TF: variants seen among roughly 807,000 people sequenced by gnomAD.
TF encodes the protein serotransferrin.
TF carries 55 observed loss-of-function variants against 82.4 expected under a neutral mutation model. The ratio of observed to expected loss-of-function variants is 0.67; its 90% CI spans 0.54 to 0.84. The LOEUF is 0.84. Ranked by LOEUF, TF falls within the 40% of genes least tolerant of loss-of-function variation. The probability of loss-of-function intolerance (pLI) is 0.00; values close to 1 mark genes in which losing one functional copy is unlikely to be tolerated. For missense variants in TF, 737 were observed against 868.4 expected (o/e 0.85, Z 1.90); for synonymous variants, 332 against 332.6 (o/e 1.00, Z 0.02).
In TF at chr3:133,778,917, T is replaced by G. The variant is rs1934460143; in HGVS notation, c.*297T>G. ...CGTCTGGTCTTTCCCTACAGCTTTG[T>G]GTGTGCCATGGCCACATCTCCTGGG... On this transcript the variant is annotated 3_prime_UTR_variant, in exon 17 of 17. Transcript: ENST00000402696. The G allele has an allele frequency of 2.7e-6, 1 of 366,456 alleles. No individual in the cohort carries two copies. The highest frequency in any genetic ancestry group is 5.2e-6 in the Non-Finnish European group (1 of 191,522). 22.7% of individuals were successfully genotyped at this position (366,456 alleles called of 1,614,324 possible).
chr3:133,714,611 G>A, the TF span, among the ~76,000 whole-genome samples: 1 of 152,122 alleles, frequency 6.6e-6, no homozygotes, highest in Non-Finnish European at 1.5e-5. Flanking sequence ...CACATAAAAA[G>A]CAGTCTTAGC....
At position 133,748,611 on chromosome 3, in the gene TF, T is replaced by A. The variant is rs1360544083; in HGVS notation, c.216+27T>A. ...TAAGTCGCTGCTGCCTAAAAGAGAG[T>A]GGAAGAAAGCCATACTTTCTCTGTT... is the stretch of plus-strand genomic sequence containing the variant. On this transcript the variant is annotated intron_variant, in intron 2 of 16. Coordinates refer to ENST00000402696, the MANE Select transcript of TF (RefSeq NM_001063.4). 2.5e-6 allele frequency: 4 copies of A among 1,612,996 alleles called. No homozygotes were observed. In the South Asian group the frequency reaches 4.4e-5, roughly 18 times the overall value.
chr3:133,725,498 A>G, the TF span, among the ~76,000 whole-genome samples: 4 of 152,340 alleles, frequency 2.6e-5, no homozygotes, highest in Admixed American at 2.0e-4. Context: ...ATTTTTGTAC[A>G]TTGATTTTAC....
At chr3:133,724,960 A>G in the TF span, among the ~76,000 whole-genome samples, 19 of 152,056 alleles carry the variant, frequency 1.2e-4, no homozygotes, top group African/African-American at 3.9e-4. Flanking sequence ...AAGATCAGAT[A>G]GTTGTAGATA....
In TF at chr3:133,764,327, A is replaced by G. The variant is rs573943973; in HGVS notation, c.1297+52A>G. The G allele has an allele frequency of 3.5e-6, 5 of 1,448,350 alleles. No individual in the cohort carries two copies. In the African/African-American group the frequency reaches 4.2e-5, roughly 12 times the overall value. The allele number at this position is 1,448,350 out of a possible 1,614,324, so 89.7% of individuals were successfully genotyped here. On this transcript the variant is annotated intron_variant, in intron 10 of 16. Coordinates refer to ENST00000402696, the MANE Select transcript of TF (RefSeq NM_001063.4). ...GTTTTCTTCCCTCAGGGCCATGGAG[A>G]GAGGAGATGGAAAAATCACAGTCTG...
the TF span, among the ~76,000 whole-genome samples, chr3:133,663,772 G>T: frequency 6.6e-6 from 1 of 152,142 alleles, no homozygotes; most frequent in Non-Finnish European, 1.5e-5. Flanking sequence ...TCCACACCGG[G>T]GAGGGAGCCC....
chr3:133,695,069 C>G, the TF span, among the ~76,000 whole-genome samples: 1 of 151,918 alleles, frequency 6.6e-6, no homozygotes, highest in Non-Finnish European at 1.5e-5. Flanking sequence ...AAGCCGTCAC[C>G]TCTGTGAGGA....
chr3:133,685,143 A>G, the TF span, among the ~76,000 whole-genome samples: 1 of 152,234 alleles, frequency 6.6e-6, no homozygotes, highest in East Asian at 1.9e-4. Flanking sequence ...GCCTTTGACA[A>G]AATTCAACAG....
chr3:133,675,973 G>A, the TF span, among the ~76,000 whole-genome samples: 1 of 152,106 alleles, frequency 6.6e-6, no homozygotes, highest in African/African-American at 2.4e-5. Context: ...TGGGGTTAGA[G>A]GAGAGAAGGG....
At chr3:133,739,099 C>T in the TF span, among the ~76,000 whole-genome samples, 1 of 152,158 alleles carries the variant, frequency 6.6e-6, no homozygotes, top group Non-Finnish European at 1.5e-5. Context: ...CAGCAGGGCA[C>T]TGGTACCAAA....
chr3:133,675,679 T>C, the TF span, among the ~76,000 whole-genome samples: 2 of 152,252 alleles, frequency 1.3e-5, no homozygotes, highest in Non-Finnish European at 2.9e-5. Flanking sequence ...TAACTACACC[T>C]GGTCTCAGTT....
rs758337684 is a variant in TF at position 133,755,411 on chromosome 3, C to T, written c.551C>T (p.Thr184Met). 23 of 1,614,104 alleles carry T rather than the reference C, an allele frequency of 1.4e-5. No individual in the cohort carries two copies. Among genetic ancestry groups the T allele is most frequent in the Middle Eastern group, 1.6e-4 (1 of 6,084 alleles). The change falls in exon 5 of 17, where the codon ACG becomes ATG. Residue 184 changes from threonine (T) to methionine (M), a missense_variant. Transcript: ENST00000402696. ...SGSCAPCADG[T>M]DFPQLCQLCP... ...AGCTGTGCCCCTTGTGCGGATGGGA[C>T]GGACTTCCCCCAGCTGTGTCAACTG...
At chr3:133,675,493 G>A in the TF span, among the ~76,000 whole-genome samples, 1 of 152,196 alleles carries the variant, frequency 6.6e-6, no homozygotes, top group African/African-American at 2.4e-5. Context: ...AGACTGGGTG[G>A]TCTTCTATAT....
the TF span, among the ~76,000 whole-genome samples, chr3:133,685,238 G>A: frequency 0.013 from 1,988 of 152,302 alleles, 19 homozygotes; most frequent in Non-Finnish European, 0.021. Flanking sequence ...CAAACCCACA[G>A]CCAATATCAT....
chr3:133,757,941 G>A lies in TF; in HGVS notation c.1043G>A (p.Gly348Asp), dbSNP rs1463178703. The A allele has an allele frequency of 1.2e-6, 2 of 1,614,128 alleles. No homozygotes were observed. Among genetic ancestry groups the A allele is most frequent in the South Asian group, 1.1e-5 (1 of 91,080 alleles). ...ACTGCCATCCGGAATCTACGGGAAG[G>A]CACATGTGAGTACCTGGGAAGAACC... is the stretch of plus-strand genomic sequence containing the variant. ...YVTAIRNLRE[G>D]TCPEAPTDEC... The change falls in exon 8 of 17, where the codon GGC (glycine) becomes GAC (aspartate). Residue 348 changes from glycine (G) to aspartate (D), a missense_variant. Gly to Asp is a moderately conservative substitution (Grantham distance 94, BLOSUM62 -1). Coordinates refer to ENST00000402696, the MANE Select transcript of TF (RefSeq NM_001063.4).
chr3:133,770,420 G>A, intron 13 of TF, 88 bp from the exon 14 acceptor site: 1 of 1,218,490 alleles, frequency 8.2e-7, no homozygotes, highest in Non-Finnish European at 1.2e-6. Context: ...TCAGATGGCT[G>A]TCCTGAATCT....
In TF at chr3:133,756,726, C is replaced by T. The variant is rs528142134; in HGVS notation, c.692-105C>T. The T allele has an allele frequency of 3.5e-6, 5 of 1,447,914 alleles. No individual in the cohort carries two copies. In the South Asian group the frequency reaches 4.6e-5, roughly 13 times the overall value. 89.7% of individuals were successfully genotyped at this position (1,447,914 alleles called of 1,614,324 possible). ...TGTTCTCTGGCCTTCAGTGCTCACT[C>T]CAGACCTCTCAGCTCATACTTTCTA... On this transcript the variant is annotated intron_variant, in intron 6 of 16. Transcript: ENST00000402696.
the TF span, among the ~76,000 whole-genome samples, chr3:133,739,344 C>T: frequency 6.6e-6 from 1 of 152,104 alleles, no homozygotes; most frequent in South Asian, 2.1e-4. Flanking sequence ...AAACATAAGA[C>T]CTAAAACCAT....
the TF span, among the ~76,000 whole-genome samples, chr3:133,670,554 C>A: frequency 6.6e-6 from 1 of 152,100 alleles, no homozygotes; most frequent in African/African-American, 2.4e-5. Flanking sequence ...TGGATTTAGG[C>A]TGTGTTAGTT....
Sources: allele counts gnomAD v4.1 joint callset (sites outside exome capture counted in the v4.1 genomes callset), GRCh38; gene constraint gnomAD v4.1.1; transcripts MANE v1.5; gene names NCBI Gene and HGNC (gene_info 2026-07-23, HGNC 2026-07-21).